ASTN1: variants seen among roughly 807,000 people sequenced by gnomAD.
The protein encoded by ASTN1 is astrotactin-1.
Under a neutral mutation model 140.7 loss-of-function variants are expected in ASTN1, and 41 were observed. The observed-to-expected ratio is 0.29, with a 90% CI of 0.23 to 0.38. The LOEUF is 0.38. ASTN1 is among the 10% of genes least tolerant of loss of function. ASTN1 has a pLI of 1.00. For missense variants in ASTN1, 1,479 were observed against 1,678.8 expected, an observed-to-expected ratio of 0.88 and a Z score of 2.08; for synonymous variants, 640 against 652.2, an observed-to-expected ratio of 0.98 and a Z score of 0.29.
chr1:177,014,875 C>G lies in ASTN1; in HGVS notation c.1439G>C (p.Gly480Ala). The change falls in exon 8 of 23, where the codon GGG (glycine) becomes GCG (alanine). Residue 480 changes from glycine (G) to alanine (A), a missense_variant and splice_region_variant. Physicochemically the swap from Gly to Ala is moderately conservative, Grantham distance 60. Transcript: ENST00000361833. ...GTAGCCTTCATAGCAGAGGCATTCC[C>G]CTTAGAAGCAGGGTAAGGAGGAAGA... ...PCEHQCDPET[G>A]ECLCYEGYMK... The G allele has an allele frequency of 6.2e-7, 1 of 1,611,942 alleles. No homozygotes were observed. The highest frequency in any genetic ancestry group is 8.5e-7 in the Non-Finnish European group (1 of 1,178,346).
chr1:177,144,517 G>C (rs529885800), intron 1 of ASTN1, among the ~76,000 whole-genome samples: 1 of 150,290 alleles, frequency 6.7e-6, no homozygotes. Context: ...CTCCCAAAGT[G>C]CTGGGATTAC....
chr1:176,929,999 C>T (rs1161404533), intron 16 of ASTN1, among the ~76,000 whole-genome samples: 1 of 152,106 alleles, frequency 6.6e-6, no homozygotes, highest in African/African-American at 2.4e-5. Context: ...CAGAGCAAGA[C>T]TCCGTCTCAA....
intron 11 of ASTN1, among the ~76,000 whole-genome samples, chr1:176,950,465 C>T (rs984034453): frequency 2.6e-5 from 4 of 152,180 alleles, no homozygotes; most frequent in African/African-American, 7.2e-5. Context: ...GAGCTTGGCA[C>T]TATGCTTAAG....
downstream of ASTN1, among the ~76,000 whole-genome samples, chr1:176,859,320 AG>A (rs1667894562): frequency 6.6e-6 from 1 of 152,050 alleles, no homozygotes; most frequent in South Asian, 2.1e-4. Context: ...CCCTCCATGG[AG>A]GCAGAGACCC....
chr1:177,156,330 C>T (rs1683235326), intron 1 of ASTN1, among the ~76,000 whole-genome samples: 3 of 150,210 alleles, frequency 2.0e-5, no homozygotes, highest in African/African-American at 7.4e-5. Flanking sequence ...ATAGCTGATT[C>T]TAGAATAGGG....
At chr1:176,894,046 G>C (rs1669385516) in intron 17 of ASTN1, among the ~76,000 whole-genome samples, 2 of 152,224 alleles carry the variant, frequency 1.3e-5, no homozygotes, top group African/African-American at 4.8e-5. Flanking sequence ...TGTTCTTAGA[G>C]CCAGAGTGAT....
At chr1:176,915,120 GCA>G (rs1670425880) in intron 16 of ASTN1, among the ~76,000 whole-genome samples, 1 of 152,120 alleles carries the variant, frequency 6.6e-6, no homozygotes, top group Admixed American at 6.5e-5. Context: ...AAAAAATATA[GCA>G]TACAGTGTTG....
At chr1:176,995,025 A>G (rs1674371744) in intron 8 of ASTN1, among the ~76,000 whole-genome samples, 1 of 152,200 alleles carries the variant, frequency 6.6e-6, no homozygotes, top group South Asian at 2.1e-4. Context: ...GTTAAATATA[A>G]AAATCTGATT....
intron 1 of ASTN1, among the ~76,000 whole-genome samples, chr1:177,083,876 A>G (rs1390650686): frequency 1.3e-5 from 2 of 152,184 alleles, no homozygotes; most frequent in Admixed American, 6.5e-5. Flanking sequence ...TTTCAGAGAG[A>G]GTCAGAGGTC....
chr1:176,984,120 G>T (rs1015059229), intron 8 of ASTN1, among the ~76,000 whole-genome samples: 1 of 152,170 alleles, frequency 6.6e-6, no homozygotes. Flanking sequence ...ATACCTCATC[G>T]ATACCGTGAA....
At chr1:177,037,571 T>C (rs1480254324) in intron 2 of ASTN1, among the ~76,000 whole-genome samples, 2 of 152,238 alleles carry the variant, frequency 1.3e-5, no homozygotes, top group Non-Finnish European at 2.9e-5. Flanking sequence ...TTATAGCCAT[T>C]GGAAAAACAA....
intron 13 of ASTN1, 145 bp from the exon 14 acceptor site, chr1:176,944,163 T>C (rs1671855754): frequency 2.9e-5 from 32 of 1,099,942 alleles, no homozygotes; most frequent in Admixed American, 1.3e-4. Context: ...CCGCAACCTC[T>C]GCCTCCAGGG....
At chr1:176,939,184 A>T (rs1279446514) in intron 14 of ASTN1, among the ~76,000 whole-genome samples, 1 of 152,108 alleles carries the variant, frequency 6.6e-6, no homozygotes, top group Non-Finnish European at 1.5e-5. Context: ...GGCCTCCACA[A>T]TGTTATCATC....
intron 1 of ASTN1, among the ~76,000 whole-genome samples, chr1:177,073,198 G>C (rs1228678952): frequency 6.6e-6 from 1 of 152,098 alleles, no homozygotes. Flanking sequence ...TCTGTGCCAG[G>C]GGACATTCAT....
intron 11 of ASTN1, among the ~76,000 whole-genome samples, chr1:176,955,977 C>CT (rs1672382802): frequency 6.6e-6 from 1 of 152,168 alleles, no homozygotes; most frequent in Non-Finnish European, 1.5e-5. Flanking sequence ...AGCTGAATAG[C>CT]TTTTTTTAAA....
intron 1 of ASTN1, among the ~76,000 whole-genome samples, chr1:177,098,463 T>C (rs12086334): frequency 0.021 from 3,237 of 152,300 alleles, 113 homozygotes; most frequent in African/African-American, 0.074. Flanking sequence ...TATTTTTTCT[T>C]ATTTTCTTTT....
intron 8 of ASTN1, among the ~76,000 whole-genome samples, chr1:177,010,318 G>A (rs1675228621): frequency 6.6e-6 from 1 of 152,212 alleles, no homozygotes; most frequent in Non-Finnish European, 1.5e-5. Flanking sequence ...AATTCATACA[G>A]GGGAGACAGA....
intron 1 of ASTN1, among the ~76,000 whole-genome samples, chr1:177,159,468 G>A (rs1273024090): frequency 6.6e-6 from 1 of 152,202 alleles, no homozygotes; most frequent in Non-Finnish European, 1.5e-5. Flanking sequence ...AAGATGGAGA[G>A]ATGTGTGAAA....
At chr1:176,858,812 C>G (rs1030609942), downstream of ASTN1, among the ~76,000 whole-genome samples, 5 of 152,178 alleles carry the variant, frequency 3.3e-5, no homozygotes, top group Non-Finnish European at 7.3e-5. Context: ...GCAAAAATCT[C>G]AGTGGGACGA....
Sources: gnomAD v4.1 joint callset for allele counts (sites outside exome capture counted in the v4.1 genomes callset) on GRCh38, gnomAD v4.1.1 for gene constraint, MANE v1.5 for transcripts, NCBI Gene and HGNC (gene_info 2026-07-23, HGNC 2026-07-21) for gene names.